COBL: variants seen among roughly 807,000 people sequenced by gnomAD.
The protein encoded by COBL is cordon-bleu WH2 repeat protein.
A neutral mutation model predicts 98.8 loss-of-function variants in COBL; 51 were observed. The observed-to-expected ratio is 0.52, with a 90% CI of 0.41 to 0.65. The LOEUF (loss-of-function observed/expected upper bound fraction) is 0.65. Ranked by LOEUF, COBL falls within the 30% of genes least tolerant of loss-of-function variation. The pLI is 0.00. For missense variants in COBL, 1,617 were observed against 1,617.5 expected (o/e 1.00, Z 0.01); for synonymous variants, 634 against 651.7 (o/e 0.97, Z 0.41).
At chr7:51,227,846 C>T (rs887058) in intron 1 of COBL, among the ~76,000 whole-genome samples, 98,089 of 152,046 alleles carry the variant, frequency 0.65, 31,965 homozygotes, top group East Asian at 0.8. Flanking sequence ...AAGCTTTCCC[C>T]ACTGTCTTGG....
chr7:51,112,288 A>T (rs1219586621), intron 6 of COBL, among the ~76,000 whole-genome samples: 1 of 152,214 alleles, frequency 6.6e-6, no homozygotes, highest in Non-Finnish European at 1.5e-5. Context: ...TGCTCTCCTC[A>T]GTGTCCTGTG....
At chr7:51,034,653 C>CA (rs1324189819) in intron 8 of COBL, 2 of 152,366 alleles carry the variant, frequency 1.3e-5, no homozygotes, top group African/African-American at 4.8e-5. Context: ...AGTCACTGGG[C>CA]TTGGAGGCCA....
intron 1 of COBL, among the ~76,000 whole-genome samples, chr7:51,284,644 T>G (rs967848934): frequency 5.9e-5 from 9 of 151,506 alleles, no homozygotes; most frequent in African/African-American, 1.9e-4. Context: ...CTGGCCAACA[T>G]AGTGAAACCC....
intron 7 of COBL, chr7:51,073,428 C>T (rs944275425): frequency 2.8e-5 from 18 of 647,568 alleles, no homozygotes; most frequent in African/African-American, 7.2e-5. Flanking sequence ...CGCACACTTG[C>T]GGTGAAATAA....
At chr7:51,247,296 G>A (rs1336474678) in intron 1 of COBL, among the ~76,000 whole-genome samples, 1 of 152,132 alleles carries the variant, frequency 6.6e-6, no homozygotes, top group African/African-American at 2.4e-5. Flanking sequence ...TCTCAGTGGT[G>A]CTGTCTCTTC....
At chr7:51,262,572 C>G (rs919254796) in intron 1 of COBL, among the ~76,000 whole-genome samples, 3 of 152,186 alleles carry the variant, frequency 2.0e-5, no homozygotes, top group African/African-American at 7.2e-5. Flanking sequence ...TGGGAAGTCA[C>G]GACAGGCAGC....
chr7:51,151,341 T>C (rs1562968635), intron 5 of COBL, among the ~76,000 whole-genome samples: 1 of 152,144 alleles, frequency 6.6e-6, no homozygotes. Context: ...TGGAAGTATG[T>C]TGAGTTCCCG....
In COBL at chr7:51,172,489, G is replaced by A. The variant is rs776724516; in HGVS notation, c.783+11613C>T. The A allele has an allele frequency of 2.3e-6, 3 of 1,288,168 alleles. No homozygotes were observed. In the South Asian group the frequency reaches 3.7e-5, roughly 16 times the overall value. The allele number at this position is 1,288,168 out of a possible 1,614,324, so 79.8% of individuals were successfully genotyped here. ...CCCTTCCTGGGGCAGCCCTGGAGGTGTCCTCATCGCTGTCTGCACCCGACA... is the reference window on the plus strand; with the variant it reads ...CCCTTCCTGGGGCAGCCCTGGAGGTATCCTCATCGCTGTCTGCACCCGACA... On this transcript the variant is annotated intron_variant, in intron 5 of 12. Coordinates refer to ENST00000265136, the MANE Select transcript of COBL (RefSeq NM_015198.5).
At chr7:51,208,262 C>G (rs1211538111) in intron 2 of COBL, among the ~76,000 whole-genome samples, 1 of 144,450 alleles carries the variant, frequency 6.9e-6, no homozygotes, top group Non-Finnish European at 1.5e-5. Context: ...AGTGAGGAGC[C>G]CCTCCGCCCG....
chr7:51,210,662 A>G (rs1792324226), intron 2 of COBL, among the ~76,000 whole-genome samples: 3 of 152,206 alleles, frequency 2.0e-5, no homozygotes. Flanking sequence ...AACTCGTCTT[A>G]TGATGTTTCC....
At chr7:51,283,506 T>C (rs1481184672) in intron 1 of COBL, among the ~76,000 whole-genome samples, 1 of 152,200 alleles carries the variant, frequency 6.6e-6, no homozygotes, top group East Asian at 1.9e-4. Flanking sequence ...TTTTGTGAGA[T>C]GGAGTTTCGC....
chr7:51,297,010 C>A (rs1023505896), intron 1 of COBL, among the ~76,000 whole-genome samples: 6 of 152,142 alleles, frequency 3.9e-5, no homozygotes, highest in Non-Finnish European at 5.9e-5. Flanking sequence ...CAAGGCTGGA[C>A]GTCTGAATCA....
Position 51,199,722 on chromosome 7 carries a change from G to A in COBL, c.246-6133C>T, listed in dbSNP as rs77278493. On this transcript the variant is annotated intron_variant, in intron 2 of 12. Transcript: ENST00000265136. ...GACAGCTTCAACAGAAAACCTGATC[G>A]TGTAGGAAAAAGAATCAGTAAATCT... 9.4e-3 allele frequency among the ~76,000 whole-genome samples: 1,424 copies of A among 151,596 alleles called. 18 individuals carry two copies. The highest frequency in any genetic ancestry group is 0.032 in the African/African-American group (1,342 of 41,336).
intron 5 of COBL, among the ~76,000 whole-genome samples, chr7:51,163,849 G>C (rs965190761): frequency 2.6e-5 from 4 of 152,200 alleles, no homozygotes; most frequent in Non-Finnish European, 5.9e-5. Flanking sequence ...TGAGTCTTCA[G>C]GGTAGATTTC....
chr7:51,292,786 T>C (rs544166590), intron 1 of COBL, among the ~76,000 whole-genome samples: 24 of 152,312 alleles, frequency 1.6e-4, no homozygotes, highest in Middle Eastern at 6.8e-3. Flanking sequence ...GCCCAACTCT[T>C]TGCAGCCCCT....
intron 7 of COBL, among the ~76,000 whole-genome samples, chr7:51,083,853 G>A (rs530353835): frequency 6.6e-6 from 1 of 152,164 alleles, no homozygotes; most frequent in African/African-American, 2.4e-5. Flanking sequence ...GAATCAGGGG[G>A]TCCTGCCCTG....
At chr7:51,170,470 T>C (rs1380257193) in intron 5 of COBL, among the ~76,000 whole-genome samples, 2 of 148,498 alleles carry the variant, frequency 1.3e-5, no homozygotes, top group Non-Finnish European at 3.0e-5. Context: ...GAAAACTTTA[T>C]AATTAACTTA....
intron 10 of COBL, 61 bp downstream of exon 10, chr7:51,027,649 CTG>C: frequency 7.4e-7 from 1 of 1,355,096 alleles, no homozygotes; most frequent in South Asian, 1.3e-5. Context: ...TTCTGAGACT[CTG>C]AGACCAGTGC....
intron 2 of COBL, among the ~76,000 whole-genome samples, chr7:51,215,782 T>C (rs575634373): frequency 6.6e-6 from 1 of 152,228 alleles, no homozygotes; most frequent in Non-Finnish European, 1.5e-5. Flanking sequence ...AGGCTGTACA[T>C]GTGCTCCATC....
Sources: gnomAD v4.1 joint callset for allele counts (sites outside exome capture counted in the v4.1 genomes callset) on GRCh38, gnomAD v4.1.1 for gene constraint, MANE v1.5 for transcripts, NCBI Gene and HGNC (gene_info 2026-07-23, HGNC 2026-07-21) for gene names.